The following ITFG1 variants were observed in gnomAD, a reference collection of about 807,000 sequenced individuals.
The protein encoded by ITFG1 is T-cell immunomodulatory protein.
In ITFG1, 34 loss-of-function variants were observed where a neutral mutation model predicts 81.8. The ratio of observed to expected loss-of-function variants is 0.42; its 90% CI spans 0.32 to 0.55. The LOEUF (loss-of-function observed/expected upper bound fraction) is 0.55, where lower values mean the gene tolerates loss of function less well. Among genes scored for constraint, ITFG1 ranks in the 20% least tolerant of loss-of-function variants. The probability of loss-of-function intolerance (pLI) is 0.17; values close to 1 mark genes in which losing one functional copy is unlikely to be tolerated. For missense variants in ITFG1, 672 were observed against 755.4 expected (o/e 0.89, Z 1.29); for synonymous variants, 285 against 270.6 (o/e 1.05, Z -0.52).
chr16:47,452,660 T>C, intron 4 of ITFG1, 73 bp downstream of exon 4: 1 of 935,334 alleles, frequency 1.1e-6, no homozygotes, highest in Non-Finnish European at 1.7e-6. Context: ...CTAAGCAAAG[T>C]AGTTTCCTAT....
chr16:47,451,528 G>C, intron 4 of ITFG1, 58 bp from the exon 5 acceptor site: 1 of 935,158 alleles, frequency 1.1e-6, no homozygotes, highest in South Asian at 1.4e-5. Flanking sequence ...TTCTAATTTA[G>C]CTTTAAAAGA....
chr16:47,184,156 T>C (rs1242320809), intron 14 of ITFG1, among the ~76,000 whole-genome samples: 3 of 152,172 alleles, frequency 2.0e-5, no homozygotes, highest in Non-Finnish European at 4.4e-5. Context: ...GTGTGACTGG[T>C]GTACCTGAAA....
intron 14 of ITFG1, among the ~76,000 whole-genome samples, chr16:47,180,456 C>A (rs928705677): frequency 6.6e-6 from 1 of 152,030 alleles, no homozygotes; most frequent in Non-Finnish European, 1.5e-5. Flanking sequence ...TGTACTGCTG[C>A]CATCTCGGCT....
At position 47,155,097 on chromosome 16, in the gene ITFG1, T is replaced by G. The variant is rs1964683155; in HGVS notation, c.*622A>C. On this transcript the variant is annotated 3_prime_UTR_variant, in exon 18 of 18. Coordinates refer to ENST00000320640, the MANE Select transcript of ITFG1 (RefSeq NM_030790.5). ...TTAATGTTTACAGTAACTCAAGTAT[T>G]AGCCCCACTGAATAAACAAGAAAAC... 6.6e-6 allele frequency: 1 copy of G among 152,244 alleles called. No individual in the cohort carries two copies. Among genetic ancestry groups the G allele is most frequent in the Non-Finnish European group, 1.5e-5 (1 of 68,078 alleles). The allele number at this position is 152,244 out of a possible 1,614,324, so 9.4% of individuals were successfully genotyped here. A position where few individuals can be genotyped will look rare whatever the true frequency, so the allele number is the denominator to read the frequency against.
At chr16:47,362,974 G>T (rs2151585890) in intron 8 of ITFG1, among the ~76,000 whole-genome samples, 1 of 152,232 alleles carries the variant, frequency 6.6e-6, no homozygotes, top group African/African-American at 2.4e-5. Flanking sequence ...ACTGTTCACT[G>T]CAACGTCTGC....
At chr16:47,238,064 C>A in intron 12 of ITFG1, 56 bp from the exon 13 acceptor site, 1 of 937,036 alleles carries the variant, frequency 1.1e-6, no homozygotes, top group Non-Finnish European at 1.6e-6. Context: ...TTAAAGTGAG[C>A]TCTAATTTTC....
intron 7 of ITFG1, among the ~76,000 whole-genome samples, chr16:47,367,952 C>T (rs924017772): frequency 2.6e-5 from 4 of 152,148 alleles, no homozygotes; most frequent in Non-Finnish European, 5.9e-5. Context: ...AAGATCACAG[C>T]ATTGGCCCAG....
chr16:47,439,861 C>A (rs917509642), intron 5 of ITFG1, among the ~76,000 whole-genome samples: 8 of 152,070 alleles, frequency 5.3e-5, no homozygotes, highest in South Asian at 2.1e-4. Flanking sequence ...TAAATGGGCT[C>A]AATGCTCCAA....
At position 47,460,980 on chromosome 16, in the gene ITFG1, T is replaced by C. The variant is rs980883531; in HGVS notation, c.66A>G (p.Ala22=). Residue 22 remains alanine (A), a synonymous_variant, in exon 1 of 18, where the codon GCA becomes GCG. Coordinates refer to ENST00000320640, the MANE Select transcript of ITFG1 (RefSeq NM_030790.5). ...CTGGGACCGGCCCGACTCCCAGTAGTGCAAGCCCTGCGAGGAGCGGCGAGA... is the reference window on the plus strand; with the variant it reads ...CTGGGACCGGCCCGACTCCCAGTAGCGCAAGCCCTGCGAGGAGCGGCGAGA... ...ALFSPLLAGL[A]LLGVGPVPAR... is the part of the protein sequence containing the mutation. 7 of 1,591,148 alleles carry C rather than the reference T, an allele frequency of 4.4e-6. No individual in the cohort carries two copies. The African/African-American group carries it at 8.1e-5, about 18-fold the overall frequency.
intron 10 of ITFG1, among the ~76,000 whole-genome samples, chr16:47,293,183 TG>T (rs1966933478): frequency 1.4e-5 from 2 of 147,212 alleles, no homozygotes; most frequent in Non-Finnish European, 3.0e-5. Flanking sequence ...CATATACAAA[TG>T]ATATATATTA....
chr16:47,342,432 C>G (rs1413271550), intron 8 of ITFG1, among the ~76,000 whole-genome samples: 1 of 152,060 alleles, frequency 6.6e-6, no homozygotes, highest in Non-Finnish European at 1.5e-5. Flanking sequence ...AACATTCCCC[C>G]TAAGTTCAGG....
intron 14 of ITFG1, among the ~76,000 whole-genome samples, chr16:47,203,535 CAG>C (rs1965453839): frequency 6.6e-6 from 1 of 152,170 alleles, no homozygotes; most frequent in Non-Finnish European, 1.5e-5. Context: ...TGATGGGAGA[CAG>C]TGACAGATCA....
At chr16:47,380,195 G>A (rs537047546) in intron 6 of ITFG1, among the ~76,000 whole-genome samples, 2 of 152,200 alleles carry the variant, frequency 1.3e-5, no homozygotes, top group South Asian at 4.2e-4. Flanking sequence ...AGATCCCTAG[G>A]TTGGAAACAA....
At chr16:47,423,781 T>G (rs1297094383) in intron 6 of ITFG1, among the ~76,000 whole-genome samples, 1 of 152,220 alleles carries the variant, frequency 6.6e-6, no homozygotes, top group Non-Finnish European at 1.5e-5. Flanking sequence ...CTTGTAGGTT[T>G]TCTGCTGAGA....
At chr16:47,428,744 A>G in intron 6 of ITFG1, 60 bp downstream of exon 6, 1 of 991,184 alleles carries the variant, frequency 1.0e-6, no homozygotes, top group East Asian at 2.4e-5. Flanking sequence ...AGTGTACAGT[A>G]AATAAAATCC....
At chr16:47,178,120 C>T (rs1367596437) in intron 14 of ITFG1, among the ~76,000 whole-genome samples, 10 of 152,202 alleles carry the variant, frequency 6.6e-5, no homozygotes. Context: ...TTAAATCATA[C>T]AGCTTATCCT....
chr16:47,411,905 T>C (rs998327506), intron 6 of ITFG1, among the ~76,000 whole-genome samples: 1 of 152,164 alleles, frequency 6.6e-6, no homozygotes, highest in African/African-American at 2.4e-5. Flanking sequence ...TTAAGTGCCA[T>C]CTACTGCATA....
chr16:47,354,211 A>G (rs898109453), intron 8 of ITFG1, among the ~76,000 whole-genome samples: 18 of 152,210 alleles, frequency 1.2e-4, no homozygotes, highest in African/African-American at 4.3e-4. Context: ...AGAAACATAG[A>G]CCAATAGAAC....
chr16:47,157,747 T>C (rs138094527), intron 17 of ITFG1: 82 of 152,342 alleles, frequency 5.4e-4, no homozygotes, highest in African/African-American at 1.8e-3. Context: ...GAACAACTAA[T>C]ATGTTCTTTT....
Sources: gnomAD v4.1 joint callset for allele counts (sites outside exome capture counted in the v4.1 genomes callset) on GRCh38, gnomAD v4.1.1 for gene constraint, MANE v1.5 for transcripts, NCBI Gene and HGNC (gene_info 2026-07-23, HGNC 2026-07-21) for gene names.